LONP1: variants seen among roughly 807,000 people sequenced by gnomAD.
The protein encoded by LONP1 is lon peptidase 1, mitochondrial, also known as lon protease homolog, mitochondrial.
Under a neutral mutation model 98.5 loss-of-function variants are expected in LONP1, and 31 were observed. The ratio of observed to expected loss-of-function variants is 0.31; its 90% CI spans 0.24 to 0.42. The LOEUF (loss-of-function observed/expected upper bound fraction) is 0.42. Among genes scored for constraint, LONP1 ranks in the 20% least tolerant of loss-of-function variants. The pLI is 1.00. For synonymous variants in LONP1, 781 were observed against 594.7 expected (o/e 1.31, Z -4.56); for missense variants, 1,336 against 1,350.6 (o/e 0.99, Z 0.17).
chr19:5,715,573 C>T lies in LONP1; in HGVS notation c.430-1302G>A, dbSNP rs1451596428. On this transcript the variant is annotated intron_variant, in intron 1 of 17. Transcript: ENST00000360614. ...AGGAGAATGGCGTGAACCCGGGAGG[C>T]GGAGCATGCAGTGAGCCAAGATCAC... Among the ~76,000 whole-genome samples, 8 of 124,888 alleles carry T rather than the reference C, an allele frequency of 6.4e-5. No individual in the cohort carries two copies. In the South Asian group the frequency reaches 1.1e-3, roughly 17 times the overall value. The allele number at this position is 124,888 out of a possible 152,430, so 81.9% of individuals were successfully genotyped here.
In LONP1 at chr19:5,696,085, T is replaced by A; in HGVS notation, c.1982A>T (p.Tyr661Phe). Reference sequence around the variant, plus strand: ...AATGGCCAGCTTCTCCTGGGCCACGTAGCCCGACACGTTGATCATCTCCAT... The same window carrying A: ...AATGGCCAGCTTCTCCTGGGCCACGAAGCCCGACACGTTGATCATCTCCAT... ...DRMEMINVSG[Y>F]VAQEKLAIAE... The change falls in exon 13 of 18, where the codon TAC becomes TTC. Residue 661 changes from tyrosine (Y) to phenylalanine (F), a missense_variant. By Grantham distance (22) the Tyr-to-Phe change is conservative (BLOSUM62 3). Coordinates refer to ENST00000360614, the MANE Select transcript of LONP1 (RefSeq NM_004793.4). 6.2e-7 allele frequency: 1 copy of A among 1,612,970 alleles called. No individual in the cohort carries two copies. Among genetic ancestry groups the A allele is most frequent in the Non-Finnish European group, 8.5e-7 (1 of 1,179,902 alleles).
intron 15 of LONP1, 33 bp downstream of exon 15, chr19:5,694,354 G>C (rs1175757638): frequency 6.2e-7 from 1 of 1,604,348 alleles, no homozygotes; most frequent in Non-Finnish European, 8.5e-7. Context: ...AAATGGGAAT[G>C]GCTTTGGGGT....
At chr19:5,705,733 G>T in intron 8 of LONP1, 39 bp downstream of exon 8, 2 of 1,587,788 alleles carry the variant, frequency 1.3e-6, no homozygotes, top group South Asian at 1.1e-5. Context: ...CTGAGGAGGG[G>T]TCACCTGAGG....
chr19:5,713,318 C>G, intron 2 of LONP1, 65 bp from the exon 3 acceptor site: 1 of 1,565,750 alleles, frequency 6.4e-7, no homozygotes, highest in Non-Finnish European at 8.7e-7. Flanking sequence ...ATGTCTCTGG[C>G]TGAGATGGAG....
chr19:5,709,811 C>G (rs902994584), intron 4 of LONP1, among the ~76,000 whole-genome samples: 1 of 141,930 alleles, frequency 7.0e-6, no homozygotes, highest in Non-Finnish European at 1.5e-5. Context: ...ACTGGGGAGG[C>G]TGAGGCAGGA....
chr19:5,694,753 C>G lies in LONP1; in HGVS notation c.2154+8G>C. 2 of 1,584,962 alleles carry G rather than the reference C, an allele frequency of 1.3e-6. No individual in the cohort carries two copies. Among genetic ancestry groups the G allele is most frequent in the Non-Finnish European group, 1.7e-6 (2 of 1,157,612 alleles). On this transcript the variant is annotated splice_region_variant and intron_variant, in intron 14 of 17. Transcript: ENST00000360614. ...GGCAGGTGCCAGGAGGGCGGGCTGG[C>G]CGCTCACCTTCTCCACTTGCTTCTG... is the stretch of plus-strand genomic sequence containing the variant.
At chr19:5,718,875 C>T (rs1049798773) in intron 1 of LONP1, among the ~76,000 whole-genome samples, 1 of 152,106 alleles carries the variant, frequency 6.6e-6, no homozygotes, top group Non-Finnish European at 1.5e-5. Context: ...ATGACTTGTT[C>T]TCTACAGTAT....
At chr19:5,720,386 G>C (rs1224633999), upstream of LONP1, 1 of 598,812 alleles carries the variant, frequency 1.7e-6, no homozygotes, top group East Asian at 3.2e-5. Flanking sequence ...GCCAGCGCCC[G>C]TACAAAACAC....
rs1170792702 is a variant in LONP1, at chr19:5,713,167, T to A, written c.605A>T (p.Asp202Val). 6.2e-7 allele frequency: 1 copy of A among 1,613,972 alleles called. No individual in the cohort carries two copies. Among genetic ancestry groups the A allele is most frequent in the African/African-American group, 1.3e-5 (1 of 74,894 alleles). Residue 202 changes from aspartate (D) to valine (V), a missense_variant, in exon 3 of 18, where the codon GAC (aspartate) becomes GTC (valine). By Grantham distance (152) the Asp-to-Val change is radical (BLOSUM62 -3). This residue lies in a region of LONP1 where 457 missense variants were observed against 403.1 expected (regional missense o/e 1.13). Coordinates refer to ENST00000360614, the MANE Select transcript of LONP1 (RefSeq NM_004793.4). Reference sequence around the variant, plus strand: ...TCCCATGACGATCATGCGCAGCTTGTCCCCAAGGTCCTGCATCTCATGGAT... The same window carrying A: ...TCCCATGACGATCATGCGCAGCTTGACCCCAAGGTCCTGCATCTCATGGAT... ...AQIHEMQDLG[D>V]KLRMIVMGHR...
At chr19:5,693,486 G>A in intron 16 of LONP1, 24 bp from the exon 17 acceptor site, 2 of 1,611,652 alleles carry the variant, frequency 1.2e-6, no homozygotes, top group South Asian at 1.1e-5. Context: ...TGGGGATAGT[G>A]GGTGAGCAGG....
Position 5,716,714 on chromosome 19 carries a change from A to G in LONP1, c.430-2443T>C, listed in dbSNP as rs571747470. On this transcript the variant is annotated intron_variant, in intron 1 of 17. Transcript: ENST00000360614. ...CATTTGGACAAAAAGTTTTCTTAGCAAGACAATTTTACTTTCTGAAGAAAG... is the reference window on the plus strand; with the variant it reads ...CATTTGGACAAAAAGTTTTCTTAGCGAGACAATTTTACTTTCTGAAGAAAG... 4.7e-4 allele frequency among the ~76,000 whole-genome samples: 71 copies of G among 152,314 alleles called. 2 individuals are homozygous for G. The South Asian group carries it at 0.015, about 32-fold the overall frequency.
Position 5,694,264 on chromosome 19 carries a change from C to A in LONP1, c.2320+123G>T, listed in dbSNP as rs189604611. On this transcript the variant is annotated intron_variant, in intron 15 of 17. Transcript: ENST00000360614. Reference sequence around the variant, plus strand: ...GACCCCCTGGGCTCCCAGCACACCACCCCCCGCCAGAGGCCGTTCAGAGCC... The same window carrying A: ...GACCCCCTGGGCTCCCAGCACACCAACCCCCGCCAGAGGCCGTTCAGAGCC... 4,463 of 1,308,052 alleles carry A rather than the reference C, an allele frequency of 3.4e-3. 8 individuals are homozygous for A. The highest frequency in any genetic ancestry group is 0.014 in the Middle Eastern group (72 of 5,294). The allele number at this position is 1,308,052 out of a possible 1,614,324, so 81.0% of individuals were successfully genotyped here.
Position 5,696,110 on chromosome 19 carries a change from T to A in LONP1, c.1957A>T (p.Met653Leu). Residue 653 changes from methionine to leucine, a missense_variant, in exon 13 of 18, where the codon ATG becomes TTG. By Grantham distance (15) the Met-to-Leu change is conservative. Transcript: ENST00000360614. Reference protein sequence around the residue: ...DTIPEPLRDRMEMINVSGYVA... With the variant: ...DTIPEPLRDRLEMINVSGYVA... ...TAGCCCGACACGTTGATCATCTCCA[T>A]ACGGTCTCGCAGCGGCTCGGGGATG... is the stretch of plus-strand genomic sequence containing the variant. 2 of 1,613,124 alleles carry A rather than the reference T, an allele frequency of 1.2e-6. No homozygotes were observed. The highest frequency in any genetic ancestry group is 1.7e-6 in the Non-Finnish European group (2 of 1,179,892).
intron 1 of LONP1, among the ~76,000 whole-genome samples, chr19:5,716,847 G>A (rs182574143): frequency 5.9e-5 from 9 of 152,258 alleles, no homozygotes; most frequent in East Asian, 3.9e-4. Flanking sequence ...AGGCTAGAGC[G>A]CAGTGGAGCG....
At chr19:5,720,267 G>A, upstream of LONP1, 1 of 1,245,126 alleles carries the variant, frequency 8.0e-7, no homozygotes, top group Non-Finnish European at 1.0e-6. Flanking sequence ...CTGGGCCTAC[G>A]CGGAGAAGAG....
chr19:5,706,470 G>A (rs2055147024), intron 7 of LONP1, among the ~76,000 whole-genome samples: 1 of 152,084 alleles, frequency 6.6e-6, no homozygotes, highest in South Asian at 2.1e-4. Context: ...TAGCCGGTGT[G>A]GTATTGCACG....
chr19:5,714,217 G>A lies in LONP1; in HGVS notation c.484C>T (p.Pro162Ser). 1 of 1,613,958 alleles carries A rather than the reference G, an allele frequency of 6.2e-7. No individual in the cohort carries two copies. Residue 162 changes from proline (P) to serine (S), a missense_variant, in exon 2 of 18, where the codon CCT becomes TCT. By Grantham distance (74) the Pro-to-Ser change is moderately conservative. Transcript: ENST00000360614. Reference sequence around the variant, plus strand: ...CTCTTTAGAAAGACGCCGACATAAGGCTGGGCGAGACGAACTTTCCTTCTC... The same window carrying A: ...CTCTTTAGAAAGACGCCGACATAAGACTGGGCGAGACGAACTTTCCTTCTC... ...LLRRKVRLAQPYVGVFLKRDD... is the reference protein window; with the variant it reads ...LLRRKVRLAQSYVGVFLKRDD...
In LONP1 at chr19:5,719,717, A is replaced by G; in HGVS notation, c.416T>C (p.Ile139Thr). 1.2e-6 allele frequency: 2 copies of G among 1,613,878 alleles called. No homozygotes were observed. Among genetic ancestry groups the G allele is most frequent in the South Asian group, 2.2e-5 (2 of 91,088 alleles). ...GACTCCCATTACCTCGATAATCTTG[A>G]TAAAGCGCGGGAACACCGGGTTGCG... ...ITRNPVFPRF[I>T]KIIEVKNKKL... Residue 139 changes from isoleucine (I) to threonine (T), a missense_variant, in exon 1 of 18, where the codon ATC becomes ACC. This residue lies in a region of LONP1 where 457 missense variants were observed against 403.1 expected (regional missense o/e 1.13). Transcript: ENST00000360614.
chr19:5,695,265 TGGGTCAGGGGCTCCA>T (rs1478488654), intron 13 of LONP1, among the ~76,000 whole-genome samples: 1 of 152,132 alleles, frequency 6.6e-6, no homozygotes, highest in East Asian at 1.9e-4. Flanking sequence ...GGAAGGGGAC[TGGGTCAGGGGCTCCA>T]GGGTCACCCA....
Sources: gnomAD v4.1 joint callset for allele counts (sites outside exome capture counted in the v4.1 genomes callset) on GRCh38, gnomAD v4.1.1 for gene constraint, gnomAD v4.1.1 regional missense constraint, MANE v1.5 for transcripts, NCBI Gene and HGNC (gene_info 2026-07-23, HGNC 2026-07-21) for gene names.